The following TRIO variants were observed in gnomAD, a reference collection of about 807,000 sequenced individuals.
TRIO encodes trio Rho guanine nucleotide exchange factor.
TRIO carries 58 observed loss-of-function variants against 351.9 expected under a neutral mutation model. The observed-to-expected ratio is 0.16, with a 90% CI of 0.13 to 0.21. The LOEUF is 0.21. Ranked by LOEUF, TRIO falls within the 10% of genes least tolerant of loss-of-function variation. The pLI, the probability that TRIO is intolerant of heterozygous loss-of-function variation, is 1.00. For missense variants in TRIO, 3,201 were observed against 4,027.8 expected, an observed-to-expected ratio of 0.79 and a Z score of 5.56; for synonymous variants, 1,758 against 1,595.7, an observed-to-expected ratio of 1.10 and a Z score of -2.42.
intron 2 of TRIO, among the ~76,000 whole-genome samples, chr5:14,271,990 A>G (rs934512022): frequency 6.6e-6 from 1 of 152,108 alleles, no homozygotes; most frequent in South Asian, 2.1e-4. Context: ...TGGAAGGTTC[A>G]CAGAAGAGTG....
chr5:14,189,842 C>A (rs370487144), intron 1 of TRIO, among the ~76,000 whole-genome samples: 2 of 151,974 alleles, frequency 1.3e-5, no homozygotes, highest in East Asian at 1.9e-4. Context: ...CCTGTCTCAG[C>A]CTCCCCAGGA....
chr5:14,414,325 C>G (rs1579586012), intron 33 of TRIO, among the ~76,000 whole-genome samples: 1 of 152,218 alleles, frequency 6.6e-6, no homozygotes, highest in African/African-American at 2.4e-5. Flanking sequence ...ACCCTTGAAG[C>G]CTAATGCGAG....
At chr5:14,363,691 T>A in intron 13 of TRIO, 41 bp from the exon 14 acceptor site, 1 of 1,580,174 alleles carries the variant, frequency 6.3e-7, no homozygotes, top group South Asian at 1.1e-5. Context: ...GGTGGCTGCA[T>A]GTATATTTTT....
intron 33 of TRIO, among the ~76,000 whole-genome samples, chr5:14,414,864 A>C (rs1350892759): frequency 6.6e-6 from 1 of 152,162 alleles, no homozygotes; most frequent in Non-Finnish European, 1.5e-5. Flanking sequence ...GATCAGCCCG[A>C]GTCTCCGTGA....
chr5:14,452,813 TAAAG>T (rs1393862412), intron 34 of TRIO, among the ~76,000 whole-genome samples: 6 of 152,220 alleles, frequency 3.9e-5, no homozygotes, highest in Admixed American at 6.5e-5. Flanking sequence ...ATTGTGAAAA[TAAAG>T]AGAGGGTTAA....
intron 27 of TRIO, among the ~76,000 whole-genome samples, chr5:14,391,386 G>T (rs1297772968): frequency 6.6e-6 from 1 of 152,156 alleles, no homozygotes; most frequent in Non-Finnish European, 1.5e-5. Context: ...AAAAATAAAT[G>T]TGAATCTTTT....
rs560046060 is a variant in TRIO at position 14,380,588 on chromosome 5, A to G, written c.3448-542A>G. ...GTACTTTTATTATGCCTTTAGGTTCATGGTTACAAGAAACTCAAACTATTT... is the reference window on the plus strand; with the variant it reads ...GTACTTTTATTATGCCTTTAGGTTCGTGGTTACAAGAAACTCAAACTATTT... On this transcript the variant is annotated intron_variant, in intron 20 of 56. Coordinates refer to ENST00000344204, the MANE Select transcript of TRIO (RefSeq NM_007118.4). 5.9e-5 allele frequency among the ~76,000 whole-genome samples: 9 copies of G among 151,914 alleles called. No homozygotes were observed. In the South Asian group the frequency reaches 1.3e-3, roughly 21 times the overall value.
At chr5:14,210,701 T>G (rs963549715) in intron 1 of TRIO, among the ~76,000 whole-genome samples, 1 of 152,214 alleles carries the variant, frequency 6.6e-6, no homozygotes, top group Admixed American at 6.5e-5. Flanking sequence ...ATCATAGATA[T>G]CACCCTTATT....
chr5:14,294,783 A>C (rs1030328716), intron 6 of TRIO, among the ~76,000 whole-genome samples: 15 of 152,178 alleles, frequency 9.9e-5, no homozygotes, highest in Admixed American at 3.9e-4. Flanking sequence ...TATTACATGT[A>C]TATGTAAAAT....
rs1054989069 is a variant in TRIO, at chr5:14,487,895, G to A, written c.7267G>A (p.Ala2423Thr). 5 of 1,539,868 alleles carry A rather than the reference G, an allele frequency of 3.2e-6. No individual in the cohort carries two copies. The highest frequency in any genetic ancestry group is 1.7e-6 in the Non-Finnish European group (2 of 1,143,020). Reference sequence around the variant, plus strand: ...GCTGGAGAGCCCCAGGAAAGGCGCCGCGAACGCCTCGGGGTCGAGCCCAGA... The same window carrying A: ...GCTGGAGAGCCCCAGGAAAGGCGCCACGAACGCCTCGGGGTCGAGCCCAGA... The part of the protein sequence containing the change: ...KVLESPRKGA[A>T]NASGSSPDAP... The change falls in exon 48 of 57, where the codon GCG (alanine) becomes ACG (threonine). Residue 2423 changes from alanine to threonine, a missense_variant. Ala to Thr is a moderately conservative substitution (Grantham distance 58). This residue lies in a region of TRIO where 1,089 missense variants were observed against 954.9 expected (regional missense o/e 1.14). Transcript: ENST00000344204.
chr5:14,411,774 T>C (rs543757248), intron 33 of TRIO, among the ~76,000 whole-genome samples: 1 of 152,102 alleles, frequency 6.6e-6, no homozygotes, highest in African/African-American at 2.4e-5. Flanking sequence ...CTGGCTAGTT[T>C]TTTTTTTATT....
intron 9 of TRIO, among the ~76,000 whole-genome samples, chr5:14,323,600 A>C (rs1389604117): frequency 6.6e-6 from 1 of 152,214 alleles, no homozygotes; most frequent in African/African-American, 2.4e-5. Flanking sequence ...CTCCAGCCCC[A>C]CTCAGCTATC....
chr5:14,413,432 T>C (rs1282421607), intron 33 of TRIO, among the ~76,000 whole-genome samples: 1 of 152,242 alleles, frequency 6.6e-6, no homozygotes, highest in Non-Finnish European at 1.5e-5. Flanking sequence ...CCACCCACTG[T>C]GTGCCATCCC....
intron 1 of TRIO, among the ~76,000 whole-genome samples, chr5:14,261,290 G>A (rs1358801340): frequency 6.6e-6 from 1 of 152,172 alleles, no homozygotes; most frequent in Admixed American, 6.5e-5. Context: ...GTGAGTCCCA[G>A]GCAGGATTTC....
chr5:14,222,075 A>G (rs1792667880), intron 1 of TRIO, among the ~76,000 whole-genome samples: 1 of 152,014 alleles, frequency 6.6e-6, no homozygotes, highest in African/African-American at 2.4e-5. Flanking sequence ...CATCGCGGCA[A>G]GACCCTCCAC....
rs888437665 is a variant in TRIO at position 14,390,282 on chromosome 5, A to T, written c.4110A>T (p.Gly1370=). 6.2e-7 allele frequency: 1 copy of T among 1,614,094 alleles called. No homozygotes were observed. Among genetic ancestry groups the T allele is most frequent in the Non-Finnish European group, 8.5e-7 (1 of 1,180,022 alleles). ...EKYEQLPEDV[G]HCFVTWADKF... is the part of the protein sequence containing the mutation. The stretch of plus-strand genomic sequence containing the variant: ...ATGAACAGTTGCCAGAGGATGTTGG[A>T]CATTGTTTTGTTACTTGGGTAATGA... The change falls in exon 26 of 57, where the codon GGA becomes GGT. Residue 1370 remains glycine (G), a synonymous_variant. Transcript: ENST00000344204.
intron 12 of TRIO, among the ~76,000 whole-genome samples, chr5:14,358,686 C>T (rs1282743115): frequency 1.3e-5 from 2 of 152,206 alleles, no homozygotes; most frequent in Non-Finnish European, 2.9e-5. Context: ...CCAAGGATTG[C>T]GCCCTCAGGC....
At chr5:14,406,513 C>T (rs1350254553) in intron 32 of TRIO, 60 bp from the exon 33 acceptor site, 1 of 1,533,708 alleles carries the variant, frequency 6.5e-7, no homozygotes, top group East Asian at 2.3e-5. Context: ...AAATCAGTTG[C>T]TTCTCCAGTG....
chr5:14,471,288 A>G, intron 37 of TRIO, 30 bp from the exon 38 acceptor site: 2 of 1,608,156 alleles, frequency 1.2e-6, no homozygotes, highest in Non-Finnish European at 1.7e-6. Context: ...GTGGGCAGTA[A>G]GTGTTGTTGA....
Sources: allele counts gnomAD v4.1 joint callset (sites outside exome capture counted in the v4.1 genomes callset), GRCh38; gene constraint gnomAD v4.1.1; regional missense constraint gnomAD v4.1.1; transcripts MANE v1.5; gene names NCBI Gene and HGNC (gene_info 2026-07-23, HGNC 2026-07-21).